The following SORCS2 variants were observed in gnomAD, a reference collection of about 807,000 sequenced individuals.
SORCS2 encodes VPS10 domain-containing receptor SorCS2.
A neutral mutation model predicts 141.6 loss-of-function variants in SORCS2; 100 were observed. The ratio of observed to expected loss-of-function variants is 0.71; its 90% CI spans 0.60 to 0.83. The LOEUF is 0.83. SORCS2 is among the 40% of genes least tolerant of loss of function. SORCS2 has a pLI of 0.00. For missense variants in SORCS2, 1,646 were observed against 1,560.2 expected (o/e 1.05, Z -0.93); for synonymous variants, 789 against 676.9 (o/e 1.17, Z -2.57).
At chr4:7,500,270 C>T (rs775352672) in intron 2 of SORCS2, among the ~76,000 whole-genome samples, 4 of 151,890 alleles carry the variant, frequency 2.6e-5, no homozygotes, top group East Asian at 2.0e-4. Context: ...GGAGGAGCCC[C>T]GAGCAGTGGT....
Position 7,728,427 on chromosome 4 carries a change from G to A in SORCS2, c.2947G>A (p.Asp983Asn). 5 of 1,613,616 alleles carry A rather than the reference G, an allele frequency of 3.1e-6. No individual in the cohort carries two copies. Among genetic ancestry groups the A allele is most frequent in the Non-Finnish European group, 4.2e-6 (5 of 1,179,812 alleles). Residue 983 changes from aspartate (D) to asparagine (N), a missense_variant, in exon 22 of 27, where the codon GAC becomes AAC. By Grantham distance (23) the Asp-to-Asn change is conservative (BLOSUM62 1). Coordinates refer to ENST00000507866, the MANE Select transcript of SORCS2 (RefSeq NM_020777.3). The part of the protein sequence containing the change: ...YNPNTPEWRE[D>N]VGLVVTRLLS... ...CCCCAACACCCCTGAGTGGAGGGAA[G>A]ACGTGGGCCTGGTGGTCACCCGGCT...
rs1727190250 is a variant in SORCS2, at chr4:7,725,961, GTTCAGGCC to G, written c.2745+676_2745+683del. On this transcript the variant is annotated intron_variant, in intron 20 of 26. Transcript: ENST00000507866. The stretch of plus-strand genomic sequence containing the variant: ...GTCTGAGAAGGAGCTCAGGGTCTGG[GTTCAGGCC>G]TCGGCTCCGCCACTTCCAGCTGAAT... Among the ~76,000 whole-genome samples the G allele has an allele frequency of 3.3e-5, 5 of 152,344 alleles. No homozygotes were observed. The South Asian group carries it at 1.0e-3, about 32-fold the overall frequency.
At chr4:7,723,135 G>A (rs1726709759) in intron 18 of SORCS2, among the ~76,000 whole-genome samples, 3 of 152,152 alleles carry the variant, frequency 2.0e-5, no homozygotes, top group Admixed American at 6.5e-5. Flanking sequence ...GGCAGTTGGT[G>A]GGAGCTCCTC....
chr4:7,227,147 G>A (rs1349256027), intron 1 of SORCS2, among the ~76,000 whole-genome samples: 2 of 152,198 alleles, frequency 1.3e-5, no homozygotes, highest in African/African-American at 2.4e-5. Flanking sequence ...GAGGCCCTGC[G>A]GGACAGGAAG....
rs765417827 is a variant in SORCS2, at chr4:7,733,406, C to T, written c.3193C>T (p.Arg1065Trp). Residue 1065 changes from arginine (R) to tryptophan (W), a missense_variant, in exon 24 of 27, where the codon CGG becomes TGG. Transcript: ENST00000507866. Reference protein sequence around the residue: ...RGGVRVLVALRDTGTGAEQLG... With the variant: ...RGGVRVLVALWDTGTGAEQLG... ...CGGAGTCCGGGTCCTGGTGGCCCTG[C>T]GGGACACAGGCACAGGTGAGCCACT... is the stretch of plus-strand genomic sequence containing the variant. 2.5e-5 allele frequency: 39 copies of T among 1,589,208 alleles called. No homozygotes were observed. Among genetic ancestry groups the T allele is most frequent in the African/African-American group, 4.0e-5 (3 of 74,538 alleles).
rs201900230 is a variant in SORCS2 at position 7,724,304 on chromosome 4, ATGGTGG to A, written c.2611+436_2611+441del. Among the ~76,000 whole-genome samples the A allele has an allele frequency of 9.0e-3, 1,132 of 125,610 alleles. 8 individuals carry two copies. The highest frequency in any genetic ancestry group is 0.012 in the Non-Finnish European group (700 of 60,156). 82.4% of individuals were successfully genotyped at this position (125,610 alleles called of 152,430 possible). ...GGTGGTGGTGGTGATAATGGTGACA[ATGGTGG>A]TGGTGGTGGTGGTGATAGGGTGATG... On this transcript the variant is annotated intron_variant, in intron 19 of 26. Transcript: ENST00000507866.
intron 3 of SORCS2, among the ~76,000 whole-genome samples, chr4:7,569,513 C>T (rs893296853): frequency 4.0e-5 from 6 of 151,728 alleles, no homozygotes; most frequent in South Asian, 2.1e-4. Flanking sequence ...AAGACTCCGT[C>T]GCAAAAAAGA....
At chr4:7,556,525 A>C (rs1195917275) in intron 3 of SORCS2, among the ~76,000 whole-genome samples, 1 of 152,190 alleles carries the variant, frequency 6.6e-6, no homozygotes, top group Admixed American at 6.5e-5. Flanking sequence ...AAGACCCAGG[A>C]GGCTGAGACC....
intron 1 of SORCS2, among the ~76,000 whole-genome samples, chr4:7,367,749 C>T (rs1477465701): frequency 6.6e-6 from 1 of 152,210 alleles, no homozygotes; most frequent in African/African-American, 2.4e-5. Flanking sequence ...ATTGAATTCA[C>T]GCAGTTTATT....
At chr4:7,239,600 T>A (rs1712544912) in intron 1 of SORCS2, among the ~76,000 whole-genome samples, 1 of 152,174 alleles carries the variant, frequency 6.6e-6, no homozygotes, top group Admixed American at 6.5e-5. Context: ...CTGGTTTGTT[T>A]GCTAAAACAG....
chr4:7,378,793 G>A (rs373333378), intron 1 of SORCS2, among the ~76,000 whole-genome samples: 1 of 152,072 alleles, frequency 6.6e-6, no homozygotes, highest in Non-Finnish European at 1.5e-5. Flanking sequence ...TCAGACCACC[G>A]TGGGCAGCTG....
intron 1 of SORCS2, among the ~76,000 whole-genome samples, chr4:7,315,847 G>A (rs983937679): frequency 6.6e-6 from 1 of 152,166 alleles, no homozygotes; most frequent in South Asian, 2.1e-4. Context: ...CCAGCAGTGT[G>A]GGGGAGTGGG....
intron 6 of SORCS2, among the ~76,000 whole-genome samples, chr4:7,661,962 G>A (rs1187485958): frequency 5.3e-5 from 8 of 152,108 alleles, no homozygotes; most frequent in Admixed American, 4.6e-4. Context: ...CTCTGAGGAG[G>A]GCAGAGCAGC....
chr4:7,244,676 G>A (rs182061027), intron 1 of SORCS2, among the ~76,000 whole-genome samples: 65 of 152,284 alleles, frequency 4.3e-4, no homozygotes, highest in African/African-American at 1.5e-3. Flanking sequence ...CACTCTGTGC[G>A]GTTGCCCCTA....
At chr4:7,707,343 G>A (rs1326936753) in intron 14 of SORCS2, among the ~76,000 whole-genome samples, 1 of 152,198 alleles carries the variant, frequency 6.6e-6, no homozygotes, top group Non-Finnish European at 1.5e-5. Context: ...CCTGGCCAAG[G>A]AGGATGGAAG....
intron 3 of SORCS2, among the ~76,000 whole-genome samples, chr4:7,551,988 G>A (rs541032757): frequency 2.0e-5 from 3 of 152,166 alleles, no homozygotes; most frequent in Non-Finnish European, 4.4e-5. Flanking sequence ...CTTAATGGTT[G>A]CAACCACATC....
At chr4:7,370,444 G>A (rs1000385817) in intron 1 of SORCS2, among the ~76,000 whole-genome samples, 40 of 152,328 alleles carry the variant, frequency 2.6e-4, no homozygotes, top group African/African-American at 8.4e-4. Flanking sequence ...ATCTGGGATC[G>A]TCATCATTAT....
At chr4:7,554,039 C>A (rs1274399539) in intron 3 of SORCS2, among the ~76,000 whole-genome samples, 1 of 152,174 alleles carries the variant, frequency 6.6e-6, no homozygotes, top group African/African-American at 2.4e-5. Flanking sequence ...GCCTATGAAA[C>A]AACCAGGAAG....
chr4:7,613,484 G>A (rs1718556029), intron 3 of SORCS2, among the ~76,000 whole-genome samples: 1 of 152,176 alleles, frequency 6.6e-6, no homozygotes, highest in African/African-American at 2.4e-5. Context: ...TCACTGAGGT[G>A]TAATAAGGCA....
Sources: gnomAD v4.1 joint callset for allele counts (sites outside exome capture counted in the v4.1 genomes callset) on GRCh38, gnomAD v4.1.1 for gene constraint, MANE v1.5 for transcripts, NCBI Gene and HGNC (gene_info 2026-07-23, HGNC 2026-07-21) for gene names.